MROH9: variants seen among roughly 807,000 people sequenced by gnomAD.
MROH9 encodes the protein maestro heat like repeat family member 9.
A neutral mutation model predicts 98.2 loss-of-function variants in MROH9; 92 were observed. The observed-to-expected ratio is 0.94, with a 90% CI of 0.79 to 1.11. The LOEUF (loss-of-function observed/expected upper bound fraction) is 1.11, where lower values mean the gene tolerates loss of function less well. MROH9 is among the 50% of genes most tolerant of loss of function. The pLI, the probability that MROH9 is intolerant of heterozygous loss-of-function variation, is 0.00. For synonymous variants in MROH9, 397 were observed against 368.9 expected (o/e 1.08, Z -0.87); for missense variants, 1,057 against 1,014.8 (o/e 1.04, Z -0.57).
chr1:171,049,049 C>T (rs1048899497), intron 20 of MROH9, among the ~76,000 whole-genome samples: 1 of 152,130 alleles, frequency 6.6e-6, no homozygotes, highest in Non-Finnish European at 1.5e-5. Context: ...CCACTTTTCC[C>T]TCTCCTCTCC....
chr1:170,968,898 A>T (rs1198245823), intron 7 of MROH9, among the ~76,000 whole-genome samples: 1 of 152,222 alleles, frequency 6.6e-6, no homozygotes, highest in East Asian at 1.9e-4. Context: ...TCATGGTGAG[A>T]CCATATTATT....
intron 15 of MROH9, among the ~76,000 whole-genome samples, chr1:171,000,336 T>C (rs1651745377): frequency 6.6e-6 from 1 of 152,138 alleles, no homozygotes; most frequent in Non-Finnish European, 1.5e-5. Flanking sequence ...AGGGAATGCT[T>C]TCCACTTTTC....
At chr1:171,007,666 T>C (rs1465589242) in intron 15 of MROH9, among the ~76,000 whole-genome samples, 1 of 152,138 alleles carries the variant, frequency 6.6e-6, no homozygotes, top group Non-Finnish European at 1.5e-5. Flanking sequence ...AAATCACATA[T>C]AGGCTTCTTT....
At chr1:171,013,217 G>A (rs182527995) in intron 15 of MROH9, among the ~76,000 whole-genome samples, 193 of 152,214 alleles carry the variant, frequency 1.3e-3, no homozygotes, top group South Asian at 9.3e-3. Context: ...TAGATCAGGG[G>A]TCCCCAGCTC....
rs1164974147 is a variant in MROH9, at chr1:170,998,258, T to TCCTCACTG, written c.1580_1581insCCTCACTG (p.Leu527PhefsTer11). 1.9e-6 allele frequency: 3 copies of TCCTCACTG among 1,613,510 alleles called. No homozygotes were observed. In the East Asian group the frequency reaches 6.7e-5, roughly 36 times the overall value. ...AGGTCAGAAGACACTGTCATCGTAT[T>TCCTCACTG]AATATTCCTCACTGAAGTGAGTTTT... On this transcript the variant is annotated frameshift_variant, in exon 15 of 22. Transcript: ENST00000367759. LOFTEE classifies it high-confidence loss of function.
At chr1:170,985,154 T>C (rs1651082520) in intron 9 of MROH9, among the ~76,000 whole-genome samples, 1 of 152,162 alleles carries the variant, frequency 6.6e-6, no homozygotes, top group African/African-American at 2.4e-5. Flanking sequence ...TGTTTATATA[T>C]GTTCATACCA....
chr1:170,980,807 G>T (rs1650899517), intron 8 of MROH9, among the ~76,000 whole-genome samples: 1 of 152,118 alleles, frequency 6.6e-6, no homozygotes, highest in Non-Finnish European at 1.5e-5. Context: ...CACGGCAAAA[G>T]AAACTATTAT....
At position 171,037,985 on chromosome 1, in the gene MROH9, A is replaced by C. The variant is rs369451894; in HGVS notation, c.2281+12565A>C. 2.0e-4 allele frequency among the ~76,000 whole-genome samples: 31 copies of C among 152,082 alleles called. 1 individual carries two copies. In the South Asian group the frequency reaches 5.6e-3, roughly 27 times the overall value. ...AAAAAGGAAACTATAATAATAAATAAAATCAAATTAAATAATTTGGAAAAA... is the reference window on the plus strand; with the variant it reads ...AAAAAGGAAACTATAATAATAAATACAATCAAATTAAATAATTTGGAAAAA... On this transcript the variant is annotated intron_variant, in intron 20 of 21. Transcript: ENST00000367759.
chr1:171,031,185 C>T (rs542209797), intron 20 of MROH9, among the ~76,000 whole-genome samples: 1 of 152,242 alleles, frequency 6.6e-6, no homozygotes, highest in South Asian at 2.1e-4. Context: ...TGTCTTTGCA[C>T]ATTAGATGGC....
Position 170,999,527 on chromosome 1 carries a change from T to TAC in MROH9, c.1596+1254_1596+1255insCA, listed in dbSNP as rs1491500348. On this transcript the variant is annotated intron_variant, in intron 15 of 21. Coordinates refer to ENST00000367759, the MANE Select transcript of MROH9 (RefSeq NM_001163629.2). ...TTTTCTAGCTGAGTAGTATTCCATC[T>TAC]ATATATATATATATACACACACACC... 2.4e-5 allele frequency among the ~76,000 whole-genome samples: 2 copies of TAC among 84,390 alleles called. 1 individual carries two copies. Among genetic ancestry groups the TAC allele is most frequent in the African/African-American group, 1.6e-4 (2 of 12,230 alleles). 55.4% of individuals were successfully genotyped at this position (84,390 alleles called of 152,430 possible). A position where few individuals can be genotyped will look rare whatever the true frequency, so the allele number is the denominator to read the frequency against.
Position 170,945,560 on chromosome 1 carries a change from T to C in MROH9, c.4T>C (p.Leu2=), listed in dbSNP as rs778733713. 1.2e-5 allele frequency: 19 copies of C among 1,612,128 alleles called. No individual in the cohort carries two copies. The highest frequency in any genetic ancestry group is 1.5e-5 in the Non-Finnish European group (18 of 1,178,868). M[L]TRNPKTKSSL... ...ACTTTAATACACCTCTGTCAGCATGTTGACAAGGAATCCAAAAACAAGTAA... is the reference window on the plus strand; with the variant it reads ...ACTTTAATACACCTCTGTCAGCATGCTGACAAGGAATCCAAAAACAAGTAA... Residue 2 remains leucine (L), a synonymous_variant, in exon 2 of 22, where the codon TTG becomes CTG. Coordinates refer to ENST00000367759, the MANE Select transcript of MROH9 (RefSeq NM_001163629.2).
At chr1:171,025,282 A>G (rs1557903175) in intron 19 of MROH9, 36 bp from the exon 20 acceptor site, 1 of 1,308,378 alleles carries the variant, frequency 7.6e-7, no homozygotes, top group Non-Finnish European at 1.1e-6. Context: ...TATTTCAGCA[A>G]TCGAGTGAGG....
chr1:170,968,489 A>T (rs1357206757), intron 7 of MROH9, among the ~76,000 whole-genome samples: 2 of 152,168 alleles, frequency 1.3e-5, no homozygotes, highest in East Asian at 3.8e-4. Flanking sequence ...GAGGCATTAC[A>T]TCCTTAAATT....
At chr1:170,999,260 A>G (rs1420960177) in intron 15 of MROH9, among the ~76,000 whole-genome samples, 1 of 152,096 alleles carries the variant, frequency 6.6e-6, no homozygotes, top group African/African-American at 2.4e-5. Context: ...TGATGCACCC[A>G]TCACCTGAGC....
In MROH9 at chr1:170,959,368, C is replaced by T. The variant is rs1274433552; in HGVS notation, c.153-94C>T. On this transcript the variant is annotated intron_variant, in intron 4 of 21. Coordinates refer to ENST00000367759, the MANE Select transcript of MROH9 (RefSeq NM_001163629.2). ...CCAGCCTGGGTGACAGAGCGAGACT[C>T]TGTCTCAAAATAAATAAATAAATAA... 4.5e-6 allele frequency: 5 copies of T among 1,114,204 alleles called. No individual in the cohort carries two copies. In the African/African-American group the frequency reaches 7.9e-5, roughly 18 times the overall value. The allele number at this position is 1,114,204 out of a possible 1,614,324, so 69.0% of individuals were successfully genotyped here.
At chr1:170,984,300 C>T (rs1651046333) in intron 9 of MROH9, among the ~76,000 whole-genome samples, 1 of 152,162 alleles carries the variant, frequency 6.6e-6, no homozygotes. Flanking sequence ...TCTTCCATGG[C>T]TGAGATGGGT....
intron 8 of MROH9, among the ~76,000 whole-genome samples, chr1:170,972,829 T>TATACACAC (rs113056364): frequency 2.0e-4 from 26 of 128,678 alleles, no homozygotes; most frequent in Middle Eastern, 8.5e-3. Context: ...AAAAAAAAAA[T>TATACACAC]ACACACACAC....
chr1:171,010,017 T>C (rs1390004755), intron 15 of MROH9, among the ~76,000 whole-genome samples: 1 of 152,220 alleles, frequency 6.6e-6, no homozygotes, highest in Non-Finnish European at 1.5e-5. Flanking sequence ...GTTACATAGG[T>C]ATACACATGA....
At chr1:171,029,426 T>C (rs1557905097) in intron 20 of MROH9, among the ~76,000 whole-genome samples, 1 of 152,142 alleles carries the variant, frequency 6.6e-6, no homozygotes, top group Non-Finnish European at 1.5e-5. Flanking sequence ...TTCAGGCTGG[T>C]CTCAAACTCC....
Sources: gnomAD v4.1 joint callset for allele counts (sites outside exome capture counted in the v4.1 genomes callset) on GRCh38, gnomAD v4.1.1 for gene constraint, MANE v1.5 for transcripts, NCBI Gene and HGNC (gene_info 2026-07-23, HGNC 2026-07-21) for gene names.